VPS13B: variants seen among roughly 807,000 people sequenced by gnomAD.
VPS13B encodes vacuolar protein sorting 13 homolog B.
A neutral mutation model predicts 426.4 loss-of-function variants in VPS13B; 285 were observed. The observed-to-expected ratio is 0.67, with a 90% CI of 0.61 to 0.74. The LOEUF (loss-of-function observed/expected upper bound fraction) is 0.74, where lower values mean the gene tolerates loss of function less well. Among genes scored for constraint, VPS13B ranks in the 30% least tolerant of loss-of-function variants. The pLI, the probability that VPS13B is intolerant of heterozygous loss-of-function variation, is 0.00. For missense variants in VPS13B, 4,537 were observed against 4,782.6 expected (o/e 0.95, Z 1.51); for synonymous variants, 1,676 against 1,676.4 (o/e 1.00, Z 0.01).
intron 35 of VPS13B, among the ~76,000 whole-genome samples, chr8:99,686,013 A>C (rs1231580093): frequency 6.6e-6 from 1 of 152,112 alleles, no homozygotes; most frequent in African/African-American, 2.4e-5. Context: ...CAGGTATACG[A>C]AGAGACTTGG....
chr8:99,500,431 T>C (rs1821165910), intron 25 of VPS13B, among the ~76,000 whole-genome samples: 1 of 152,178 alleles, frequency 6.6e-6, no homozygotes, highest in Non-Finnish European at 1.5e-5. Context: ...TGAACTATTT[T>C]CTATGTGTAT....
intron 43 of VPS13B, among the ~76,000 whole-genome samples, chr8:99,793,201 C>T (rs558188236): frequency 2.9e-4 from 42 of 144,334 alleles, no homozygotes; most frequent in Middle Eastern, 3.6e-3. Context: ...AAGACCCTGT[C>T]GCCAAAAAAT....
chr8:99,297,382 G>T (rs547489728), intron 19 of VPS13B, among the ~76,000 whole-genome samples: 1 of 150,368 alleles, frequency 6.7e-6, no homozygotes, highest in East Asian at 1.9e-4. Flanking sequence ...AATCACATTT[G>T]TAACTTTATA....
chr8:99,338,841 C>A (rs1588268214), intron 19 of VPS13B, among the ~76,000 whole-genome samples: 1 of 152,138 alleles, frequency 6.6e-6, no homozygotes. Flanking sequence ...AGGTCCATTA[C>A]ATACAGGAAG....
chr8:99,629,189 T>C (rs1828737943), intron 33 of VPS13B, among the ~76,000 whole-genome samples: 1 of 152,194 alleles, frequency 6.6e-6, no homozygotes, highest in Admixed American at 6.5e-5. Flanking sequence ...TTGATGTACA[T>C]GGTGCACATA....
chr8:99,151,426 A>C (rs893372213), intron 14 of VPS13B, among the ~76,000 whole-genome samples: 3 of 152,078 alleles, frequency 2.0e-5, no homozygotes, highest in African/African-American at 7.2e-5. Flanking sequence ...CTTTTGTGTT[A>C]TATCTGAAGG....
chr8:99,189,208 CAG>C lies in VPS13B; in HGVS notation c.2334-3665_2334-3664del, dbSNP rs572212834. On this transcript the variant is annotated intron_variant, in intron 16 of 61. Transcript: ENST00000357162. ...TCGTGATCCACCTGCCTCGGCCTCC[CAG>C]AGTGCTGGGATTACAGGCGTGAGCC... 4.6e-5 allele frequency among the ~76,000 whole-genome samples: 7 copies of C among 152,366 alleles called. No individual in the cohort carries two copies. The East Asian group carries it at 1.3e-3, about 29-fold the overall frequency.
At position 99,154,150 on chromosome 8, in the gene VPS13B, G is replaced by GTTT. The variant is rs200498111; in HGVS notation, c.2014-2393_2014-2391dup. Among the ~76,000 whole-genome samples the GTTT allele has an allele frequency of 3.4e-5, 5 of 146,616 alleles. 1 individual carries two copies. Among genetic ancestry groups the GTTT allele is most frequent in the African/African-American group, 7.5e-5 (3 of 39,766 alleles). ...TTGAAAATGATGTGTCTGTATGTAG[G>GTTT]TTTTTTTTGTTTTTTTTTTTGGCAT... On this transcript the variant is annotated intron_variant, in intron 14 of 61. Coordinates refer to ENST00000357162, the MANE Select transcript of VPS13B (RefSeq NM_152564.5).
At chr8:99,013,963 A>G (rs1411917684) in intron 2 of VPS13B, 28 bp downstream of exon 2, 29 of 1,613,864 alleles carry the variant, frequency 1.8e-5, no homozygotes, top group Non-Finnish European at 2.4e-5. Flanking sequence ...CATTAACTGG[A>G]AACAGTTTTC....
At chr8:99,600,441 A>C (rs1201850020) in intron 33 of VPS13B, among the ~76,000 whole-genome samples, 1 of 152,134 alleles carries the variant, frequency 6.6e-6, no homozygotes, top group East Asian at 1.9e-4. Context: ...GTTAAGCAAA[A>C]ATGAGGCTTT....
At chr8:99,060,302 T>C (rs1230531307) in intron 3 of VPS13B, among the ~76,000 whole-genome samples, 1 of 152,138 alleles carries the variant, frequency 6.6e-6, no homozygotes, top group Non-Finnish European at 1.5e-5. Flanking sequence ...TATAAATGTT[T>C]GATTCTTTAA....
intron 19 of VPS13B, among the ~76,000 whole-genome samples, chr8:99,325,128 G>GA (rs977540434): frequency 1.6e-4 from 24 of 151,646 alleles, no homozygotes; most frequent in Non-Finnish European, 2.2e-4. Context: ...TCTTCTTTAA[G>GA]AAAAAAAATA....
intron 60 of VPS13B, chr8:99,871,190 T>A: frequency 1.6e-6 from 1 of 614,430 alleles, no homozygotes; most frequent in African/African-American, 1.8e-5. Flanking sequence ...GCACTCTAAT[T>A]AGAGGTGCTA....
intron 19 of VPS13B, among the ~76,000 whole-genome samples, chr8:99,282,364 AAT>A (rs1489636281): frequency 6.6e-6 from 1 of 152,176 alleles, no homozygotes; most frequent in East Asian, 1.9e-4. Flanking sequence ...CACAAAGTAC[AAT>A]ATATATACTT....
At chr8:99,782,841 G>T (rs1349941764) in intron 42 of VPS13B, among the ~76,000 whole-genome samples, 1 of 152,100 alleles carries the variant, frequency 6.6e-6, no homozygotes, top group Admixed American at 6.6e-5. Flanking sequence ...CCATAGTAGA[G>T]AGTATTATGG....
At chr8:99,846,227 T>C (rs1368470980) in intron 54 of VPS13B, among the ~76,000 whole-genome samples, 1 of 152,204 alleles carries the variant, frequency 6.6e-6, no homozygotes, top group Non-Finnish European at 1.5e-5. Context: ...ACAGAGTCCA[T>C]GATGGTGAAT....
intron 33 of VPS13B, among the ~76,000 whole-genome samples, chr8:99,640,769 T>C (rs914284200): frequency 1.3e-5 from 2 of 151,248 alleles, no homozygotes; most frequent in Non-Finnish European, 2.9e-5. Flanking sequence ...TATCAATTTG[T>C]CCCTATGGTA....
intron 19 of VPS13B, among the ~76,000 whole-genome samples, chr8:99,296,762 T>C (rs1207780853): frequency 1.3e-5 from 2 of 152,182 alleles, no homozygotes; most frequent in East Asian, 3.8e-4. Flanking sequence ...AGCACTCATC[T>C]TTCCTTATTG....
intron 35 of VPS13B, 145 bp downstream of exon 35, chr8:99,661,636 C>G (rs1830228390): frequency 1.0e-6 from 1 of 965,792 alleles, no homozygotes; most frequent in South Asian, 1.6e-5. Context: ...TTCAGGCTGC[C>G]CATTTTAGAG....
Sources: gnomAD v4.1 joint callset for allele counts (sites outside exome capture counted in the v4.1 genomes callset) on GRCh38, gnomAD v4.1.1 for gene constraint, MANE v1.5 for transcripts, NCBI Gene and HGNC (gene_info 2026-07-23, HGNC 2026-07-21) for gene names.